The following MTHFD2L variants were observed in gnomAD, a reference collection of about 807,000 sequenced individuals.
MTHFD2L encodes the protein methylenetetrahydrofolate dehydrogenase (NADP+ dependent) 2 like, also known as bifunctional methylenetetrahydrofolate dehydrogenase/cyclohydrolase 2, mitochondrial.
A neutral mutation model predicts 34.9 loss-of-function variants in MTHFD2L; 29 were observed. That is an observed-to-expected ratio of 0.83 (90% CI 0.62 to 1.13). The LOEUF is 1.13. MTHFD2L is among the 50% of genes most tolerant of loss of function. MTHFD2L has a pLI of 0.00. For missense variants in MTHFD2L, 481 were observed against 446.5 expected (o/e 1.08, Z -0.70); for synonymous variants, 167 against 155.7 (o/e 1.07, Z -0.54).
At chr4:74,176,885 A>G (rs1236669388) in intron 3 of MTHFD2L, among the ~76,000 whole-genome samples, 1 of 152,026 alleles carries the variant, frequency 6.6e-6, no homozygotes, top group Non-Finnish European at 1.5e-5. Flanking sequence ...ATGCTATTAT[A>G]TGGGATCTTT....
Position 74,301,999 on chromosome 4 carries a change from A to G in MTHFD2L, c.*190A>G, listed in dbSNP as rs886195985. 3.0e-5 allele frequency: 12 copies of G among 405,848 alleles called. No individual in the cohort carries two copies. The highest frequency in any genetic ancestry group is 1.0e-4 in the African/African-American group (5 of 48,244). The allele number at this position is 405,848 out of a possible 1,614,324, so 25.1% of individuals were successfully genotyped here. ...CTGCTAATTTATTTTGAGTTTTAAG[A>G]AAACAACCAAAACAATTCCAATGAA... On this transcript the variant is annotated 3_prime_UTR_variant, in exon 8 of 8. Transcript: ENST00000325278.
chr4:74,258,910 AAAAT>A (rs756547684), intron 6 of MTHFD2L, among the ~76,000 whole-genome samples: 33 of 152,318 alleles, frequency 2.2e-4, no homozygotes, highest in African/African-American at 5.5e-4. Flanking sequence ...CCCAGTAAAA[AAAAT>A]AAATAAATAA....
intron 6 of MTHFD2L, among the ~76,000 whole-genome samples, chr4:74,259,631 C>A (rs1744440080): frequency 2.6e-5 from 4 of 152,134 alleles, no homozygotes. Context: ...TACATTCAAA[C>A]CTGAGGACCC....
rs747297607 is a variant in MTHFD2L, at chr4:74,158,285, C to T, written c.143+4C>T. 2.3e-5 allele frequency: 30 copies of T among 1,321,564 alleles called. No individual in the cohort carries two copies. The highest frequency in any genetic ancestry group is 2.7e-5 in the Non-Finnish European group (28 of 1,035,604). 81.9% of individuals were successfully genotyped at this position (1,321,564 alleles called of 1,614,324 possible). A position where few individuals can be genotyped will look rare whatever the true frequency, so the allele number is the denominator to read the frequency against. On this transcript the variant is annotated splice_donor_region_variant and intron_variant, in intron 1 of 7. Transcript: ENST00000325278. ...GCTTTCGGAGCAGCGGTGTGAGGTACGAGGGCTGCGGGCGCCGGGTGCGGA... is the reference window on the plus strand; with the variant it reads ...GCTTTCGGAGCAGCGGTGTGAGGTATGAGGGCTGCGGGCGCCGGGTGCGGA...
upstream of MTHFD2L, chr4:74,157,847 A>C (rs766726668): frequency 3.3e-5 from 20 of 597,886 alleles, no homozygotes; most frequent in African/African-American, 3.3e-4. Flanking sequence ...TGCCAGCTAT[A>C]TGTTGGCTGG....
intron 7 of MTHFD2L, among the ~76,000 whole-genome samples, chr4:74,298,532 G>A (rs556876719): frequency 1.3e-5 from 2 of 152,076 alleles, no homozygotes; most frequent in Middle Eastern, 3.4e-3. Context: ...TAAGCATGTT[G>A]TCTGAAAAAC....
intron 5 of MTHFD2L, among the ~76,000 whole-genome samples, chr4:74,203,825 TAAAAC>T (rs1734846976): frequency 6.6e-6 from 1 of 151,948 alleles, no homozygotes; most frequent in Non-Finnish European, 1.5e-5. Flanking sequence ...TATCACAAGA[TAAAAC>T]AATCAGTAAT....
At chr4:74,173,510 G>C (rs1401111733) in intron 1 of MTHFD2L, among the ~76,000 whole-genome samples, 1 of 152,144 alleles carries the variant, frequency 6.6e-6, no homozygotes, top group African/African-American at 2.4e-5. Flanking sequence ...GCTGTTGTCC[G>C]GGGCCATGCC....
At chr4:74,210,593 G>C (rs1578478898) in intron 5 of MTHFD2L, among the ~76,000 whole-genome samples, 1 of 151,956 alleles carries the variant, frequency 6.6e-6, no homozygotes, top group African/African-American at 2.4e-5. Flanking sequence ...TTATTACTGT[G>C]GCCTTGTAGT....
At chr4:74,175,507 A>G in intron 3 of MTHFD2L, 104 bp downstream of exon 3, 1 of 1,224,174 alleles carries the variant, frequency 8.2e-7, no homozygotes, top group Non-Finnish European at 1.1e-6. Context: ...AAATACATTC[A>G]GAAGGAGACT....
chr4:74,147,044 A>G (rs959598068), intron 1 of MTHFD2L, among the ~76,000 whole-genome samples: 3 of 152,000 alleles, frequency 2.0e-5, no homozygotes, highest in Admixed American at 2.0e-4. Context: ...TTTCTGTGCT[A>G]TCTTGGAGAA....
Position 74,299,407 on chromosome 4 carries a change from T to C in MTHFD2L, c.932-2290T>C, listed in dbSNP as rs113535662. On this transcript the variant is annotated intron_variant, in intron 7 of 7. Coordinates refer to ENST00000325278, the MANE Select transcript of MTHFD2L (RefSeq NM_001144978.3). ...GTAGTAGCAGCAGCAGCAGCAGCAG[T>C]AGCAGTAGCAGTAGCAGTAGCAGTA... is the stretch of plus-strand genomic sequence containing the variant. 2.6e-3 allele frequency among the ~76,000 whole-genome samples: 377 copies of C among 147,336 alleles called. 2 individuals carry two copies. Among genetic ancestry groups the C allele is most frequent in the African/African-American group, 9.5e-3 (359 of 37,816 alleles).
chr4:74,146,873 A>G (rs1388132882), intron 1 of MTHFD2L, among the ~76,000 whole-genome samples: 5 of 151,682 alleles, frequency 3.3e-5, no homozygotes, highest in South Asian at 2.1e-4. Context: ...GTTTTTTCCA[A>G]TAGTCTGTCT....
rs539446304 is a variant in MTHFD2L, at chr4:74,260,152, A to T, written c.806-21273A>T. Among the ~76,000 whole-genome samples the T allele has an allele frequency of 2.6e-5, 4 of 152,244 alleles. No individual in the cohort carries two copies. In the East Asian group the frequency reaches 7.7e-4, roughly 29 times the overall value. On this transcript the variant is annotated intron_variant, in intron 6 of 7. Transcript: ENST00000325278. Reference sequence around the variant, plus strand: ...GCCTGTGGAGATTGTGGGGCCTCCTATAGCTAGCATCCCACAGGTCTGTGG... The same window carrying T: ...GCCTGTGGAGATTGTGGGGCCTCCTTTAGCTAGCATCCCACAGGTCTGTGG...
Position 74,163,327 on chromosome 4 carries a change from G to A in MTHFD2L, c.143+5046G>A, listed in dbSNP as rs545667730. ...TTCCTTGTAATCTGTATTTTATATT[G>A]AATGTTTAAAAGGATTGTTCTGAGA... On this transcript the variant is annotated intron_variant, in intron 1 of 7. Coordinates refer to ENST00000325278, the MANE Select transcript of MTHFD2L (RefSeq NM_001144978.3). Among the ~76,000 whole-genome samples, 15 of 152,170 alleles carry A rather than the reference G, an allele frequency of 9.9e-5. 1 individual carries two copies. Among genetic ancestry groups the A allele is most frequent in the Non-Finnish European group, 2.9e-5 (2 of 67,994 alleles).
chr4:74,298,952 G>C (rs957003699), intron 7 of MTHFD2L, among the ~76,000 whole-genome samples: 1 of 151,876 alleles, frequency 6.6e-6, no homozygotes, highest in East Asian at 1.9e-4. Context: ...ACTTCACTGA[G>C]CCACAGTTTC....
At chr4:74,222,553 C>G (rs1016519556) in intron 5 of MTHFD2L, among the ~76,000 whole-genome samples, 1 of 152,124 alleles carries the variant, frequency 6.6e-6, no homozygotes, top group African/African-American at 2.4e-5. Flanking sequence ...AATTGCAATT[C>G]CATTTCAACA....
At chr4:74,272,268 G>T (rs183047802) in intron 6 of MTHFD2L, among the ~76,000 whole-genome samples, 1 of 152,118 alleles carries the variant, frequency 6.6e-6, no homozygotes, top group Admixed American at 6.5e-5. Flanking sequence ...TTCTAAGCCT[G>T]GACATAAGGA....
At chr4:74,248,605 C>A (rs1742837171) in intron 6 of MTHFD2L, among the ~76,000 whole-genome samples, 1 of 148,396 alleles carries the variant, frequency 6.7e-6, no homozygotes, top group South Asian at 2.2e-4. Flanking sequence ...CCTGCTTTCT[C>A]TTGTGGGCAT....
Sources: gnomAD v4.1 joint callset for allele counts (sites outside exome capture counted in the v4.1 genomes callset) on GRCh38, gnomAD v4.1.1 for gene constraint, MANE v1.5 for transcripts, NCBI Gene and HGNC (gene_info 2026-07-23, HGNC 2026-07-21) for gene names.